Variants in ABHD2 observed in about 807,000 individuals in gnomAD.
The protein encoded by ABHD2 is abhydrolase domain containing 2, acylglycerol lipase.
In ABHD2, 20 loss-of-function variants were observed where a neutral mutation model predicts 48.1. That is an observed-to-expected ratio of 0.42 (90% CI 0.29 to 0.60). The LOEUF is 0.60. Among genes scored for constraint, ABHD2 ranks in the 20% least tolerant of loss-of-function variants. The pLI is 0.24. For synonymous variants in ABHD2, 209 were observed against 214.2 expected, an observed-to-expected ratio of 0.98 and a Z score of 0.21; for missense variants, 405 against 550.9, an observed-to-expected ratio of 0.74 and a Z score of 2.65.
rs1224491202 is a variant in ABHD2 at position 89,179,052 on chromosome 15, A to G, written c.722+3057A>G. ...CACTTAAGACAGCAGAGTGATATTT[A>G]CAAAGCCACAAAGCAACAAATACAT... is the stretch of plus-strand genomic sequence containing the variant. On this transcript the variant is annotated intron_variant, in intron 6 of 10. Transcript: ENST00000352732. This position sits in a 1 kb window ranked among gnomAD's most constrained non-coding sequence, Gnocchi z 4.3. Among the ~76,000 whole-genome samples the G allele has an allele frequency of 6.6e-6, 1 of 152,260 alleles. No individual in the cohort carries two copies. The highest frequency in any genetic ancestry group is 1.9e-4 in the East Asian group (1 of 5,198).
chr15:89,083,156 G>A (rs947475539), upstream of ABHD2, among the ~76,000 whole-genome samples: 2 of 152,086 alleles, frequency 1.3e-5, no homozygotes, highest in South Asian at 4.1e-4. This position sits in a 1 kb window ranked among gnomAD's most constrained non-coding sequence, Gnocchi z 5.1. Flanking sequence ...TGCCCGGCCT[G>A]TTTTTGTTTT....
At chr15:89,112,977 T>C (rs1198715784) in intron 1 of ABHD2, among the ~76,000 whole-genome samples, 1 of 152,242 alleles carries the variant, frequency 6.6e-6, no homozygotes, top group South Asian at 2.1e-4. Context: ...TATGTCAAGT[T>C]TGAAGAGCAG....
intron 5 of ABHD2, among the ~76,000 whole-genome samples, chr15:89,160,150 C>T (rs543511597): frequency 1.7e-4 from 26 of 152,264 alleles, no homozygotes; most frequent in Non-Finnish European, 3.1e-4. Flanking sequence ...AAATGTTTTC[C>T]TGGGCTGGTG....
At chr15:89,064,803 C>A in the ABHD2 span, among the ~76,000 whole-genome samples, 1 of 151,992 alleles carries the variant, frequency 6.6e-6, no homozygotes, top group South Asian at 2.1e-4. Flanking sequence ...AGAAACATAT[C>A]ACACAGGAGA....
At chr15:89,141,182 A>G (rs1035459290) in intron 3 of ABHD2, among the ~76,000 whole-genome samples, 4 of 151,566 alleles carry the variant, frequency 2.6e-5, no homozygotes, top group Middle Eastern at 3.2e-3. Flanking sequence ...AGGTCTTCCT[A>G]TGTCACCCAG....
At chr15:89,127,600 A>T (rs1312498469) in intron 3 of ABHD2, among the ~76,000 whole-genome samples, 2 of 151,412 alleles carry the variant, frequency 1.3e-5, no homozygotes, top group African/African-American at 4.9e-5. Context: ...GAAACTCCAT[A>T]AATGCTTTTT....
chr15:89,154,829 A>T (rs1165264138), intron 4 of ABHD2, among the ~76,000 whole-genome samples: 4 of 152,230 alleles, frequency 2.6e-5, no homozygotes, highest in Non-Finnish European at 5.9e-5. Flanking sequence ...AAGAATATGT[A>T]TTGCATGATT....
At chr15:89,159,589 G>A (rs190270571) in intron 5 of ABHD2, among the ~76,000 whole-genome samples, 52 of 152,222 alleles carry the variant, frequency 3.4e-4, no homozygotes, top group African/African-American at 1.2e-3. Context: ...TTTGTAGACA[G>A]GGGAGTGCGC....
rs1456833471 is a variant in ABHD2 at position 89,198,563 on chromosome 15, G to A, written c.*3140G>A. On this transcript the variant is annotated 3_prime_UTR_variant, in exon 11 of 11. Transcript: ENST00000352732. This position sits in a 1 kb window ranked among gnomAD's most constrained non-coding sequence, Gnocchi z 5.1. ...CTCTGCAGCATTTTACACTTACTGG[G>A]AACCTTATGATTCACCGTAAGAGTG... 6.6e-6 allele frequency: 1 copy of A among 152,170 alleles called. No individual in the cohort carries two copies. Among genetic ancestry groups the A allele is most frequent in the East Asian group, 1.9e-4 (1 of 5,204 alleles). The allele number at this position is 152,170 out of a possible 1,614,324, so 9.4% of individuals were successfully genotyped here.
the ABHD2 span, among the ~76,000 whole-genome samples, chr15:89,049,423 C>G: frequency 9.2e-5 from 14 of 152,356 alleles, no homozygotes; most frequent in South Asian, 1.7e-3. Context: ...CCACCCTGTT[C>G]GAGCTTCCTG....
Position 89,201,114 on chromosome 15 carries a change from C to T in ABHD2, c.*5691C>T. On this transcript the variant is annotated 3_prime_UTR_variant, in exon 11 of 11. Coordinates refer to ENST00000352732, the MANE Select transcript of ABHD2 (RefSeq NM_152924.5). ...AAGAAAAGGAATCCAGTGAAAATGG[C>T]TGCAATTACAACAAGAAGTGAAGGA... 1 of 1,068,096 alleles carries T rather than the reference C, an allele frequency of 9.4e-7. No homozygotes were observed. The highest frequency in any genetic ancestry group is 1.5e-6 in the Non-Finnish European group (1 of 685,266). 66.2% of individuals were successfully genotyped at this position (1,068,096 alleles called of 1,614,324 possible).
intron 3 of ABHD2, among the ~76,000 whole-genome samples, chr15:89,147,534 C>T (rs938134713): frequency 6.6e-6 from 1 of 150,792 alleles, no homozygotes; most frequent in East Asian, 2.0e-4. Flanking sequence ...TTTGTATTTT[C>T]AGTAGAGACG....
chr15:89,165,974 GC>G (rs1408811690), intron 5 of ABHD2, among the ~76,000 whole-genome samples: 1 of 152,154 alleles, frequency 6.6e-6, no homozygotes, highest in Non-Finnish European at 1.5e-5. Context: ...AAATCCACTA[GC>G]CAAAGAATAA....
chr15:89,066,734 A>T, the ABHD2 span, among the ~76,000 whole-genome samples: 1 of 152,194 alleles, frequency 6.6e-6, no homozygotes, highest in African/African-American at 2.4e-5. Flanking sequence ...GCTCAGCAAG[A>T]TACCTTTTCA....
chr15:89,078,868 C>T, the ABHD2 span, among the ~76,000 whole-genome samples: 1 of 152,028 alleles, frequency 6.6e-6, no homozygotes, highest in Non-Finnish European at 1.5e-5. Context: ...ATAACTGGGA[C>T]TCCAGGTGCC....
chr15:89,063,604 A>G, the ABHD2 span, among the ~76,000 whole-genome samples: 2 of 152,110 alleles, frequency 1.3e-5, no homozygotes, highest in Admixed American at 1.3e-4. Flanking sequence ...GGGAGTATTC[A>G]TACTATACAT....
At position 89,175,792 on chromosome 15, in the gene ABHD2, T is replaced by C. The variant is rs372442772; in HGVS notation, c.539-20T>C. 1 of 1,613,850 alleles carries C rather than the reference T, an allele frequency of 6.2e-7. No individual in the cohort carries two copies. Among genetic ancestry groups the C allele is most frequent in the Non-Finnish European group, 8.5e-7 (1 of 1,179,878 alleles). On this transcript the variant is annotated intron_variant, in intron 5 of 10. Coordinates refer to ENST00000352732, the MANE Select transcript of ABHD2 (RefSeq NM_152924.5). The surrounding 1 kb of genome is among the most constrained non-coding windows in gnomAD (Gnocchi z 5.7). ...GGATGCACCTGAAATGATTGAGCAA[T>C]CTCACCCTTTTGCCCACAGGCTGCA...
chr15:89,199,616 T>C lies in ABHD2; in HGVS notation c.*4193T>C, dbSNP rs758318815. 2.4e-4 allele frequency: 36 copies of C among 149,946 alleles called. No individual in the cohort carries two copies. The highest frequency in any genetic ancestry group is 3.4e-3 in the Middle Eastern group (1 of 292). The allele number at this position is 149,946 out of a possible 1,614,324, so 9.3% of individuals were successfully genotyped here. A position where few individuals can be genotyped will look rare whatever the true frequency, so the allele number is the denominator to read the frequency against. ...ACCCCTCCCTCAACAATATGAGTGA[T>C]CCAGAACTGGCCCAAACACCTCAGC... On this transcript the variant is annotated 3_prime_UTR_variant, in exon 11 of 11. Coordinates refer to ENST00000352732, the MANE Select transcript of ABHD2 (RefSeq NM_152924.5). The surrounding 1 kb of genome is among the most constrained non-coding windows in gnomAD (Gnocchi z 4.1).
chr15:89,119,219 G>A (rs951327592), intron 3 of ABHD2, among the ~76,000 whole-genome samples: 1 of 152,212 alleles, frequency 6.6e-6, no homozygotes, highest in Admixed American at 6.5e-5. Context: ...CTCTCCCTTT[G>A]ATGATAGGAC....
Sources: allele counts gnomAD v4.1 joint callset (sites outside exome capture counted in the v4.1 genomes callset), GRCh38; gene constraint gnomAD v4.1.1; non-coding constraint Gnocchi (gnomAD v3.1); transcripts MANE v1.5; gene names NCBI Gene and HGNC (gene_info 2026-07-23, HGNC 2026-07-21).